DPP10: variants seen among roughly 807,000 people sequenced by gnomAD.
DPP10 encodes the protein dipeptidyl peptidase like 10.
In DPP10, 33 loss-of-function variants were observed where a neutral mutation model predicts 120.9. That is an observed-to-expected ratio of 0.27 (90% CI 0.21 to 0.37). The LOEUF (loss-of-function observed/expected upper bound fraction) is 0.37. Ranked by LOEUF, DPP10 falls within the 10% of genes least tolerant of loss-of-function variation. The pLI is 1.00. For missense variants in DPP10, 816 were observed against 942.8 expected (o/e 0.87, Z 1.76); for synonymous variants, 337 against 326.1 (o/e 1.03, Z -0.36).
At position 115,434,593 on chromosome 2, in the gene DPP10, A is replaced by T. The variant is rs1399602461; in HGVS notation, c.272-64917A>T. 5.5e-5 allele frequency among the ~76,000 whole-genome samples: 8 copies of T among 144,342 alleles called. 1 individual carries two copies. The East Asian group carries it at 1.6e-3, about 29-fold the overall frequency. 94.7% of individuals were successfully genotyped at this position (144,342 alleles called of 152,430 possible). A position where few individuals can be genotyped will look rare whatever the true frequency, so the allele number is the denominator to read the frequency against. ...GGTACATATTTTGGAGGTACGTGTG[A>T]TAGTTTGATGCATGTATATAAGATT... On this transcript the variant is annotated intron_variant, in intron 3 of 25. Transcript: ENST00000410059.
chr2:115,348,228 AC>A (rs1253148767), intron 3 of DPP10, among the ~76,000 whole-genome samples: 1 of 152,152 alleles, frequency 6.6e-6, no homozygotes, highest in Non-Finnish European at 1.5e-5. Context: ...CATGTTGAAT[AC>A]TACAATAATA....
At chr2:115,805,246 TCTC>T (rs1685788583) in intron 19 of DPP10, among the ~76,000 whole-genome samples, 1 of 152,082 alleles carries the variant, frequency 6.6e-6, no homozygotes, top group Admixed American at 6.5e-5. Context: ...TGGGGTATAA[TCTC>T]CTGGTGCACC....
intron 1 of DPP10, among the ~76,000 whole-genome samples, chr2:115,039,364 T>C (rs1380399556): frequency 6.6e-6 from 1 of 152,200 alleles, no homozygotes; most frequent in Admixed American, 6.5e-5. Context: ...TTGTCAAACA[T>C]AGTGAAATCT....
intron 3 of DPP10, among the ~76,000 whole-genome samples, chr2:115,358,843 G>T (rs930849566): frequency 6.6e-6 from 1 of 152,150 alleles, no homozygotes; most frequent in Admixed American, 6.6e-5. Flanking sequence ...CCACGGAGAA[G>T]TGCTAAGCAA....
Position 114,626,533 on chromosome 2 carries a change from T to C in DPP10, c.60+183695T>C, listed in dbSNP as rs556413696. On this transcript the variant is annotated intron_variant, in intron 1 of 25. Coordinates refer to ENST00000410059, the MANE Select transcript of DPP10 (RefSeq NM_020868.6). The stretch of plus-strand genomic sequence containing the variant: ...GAGCTGCCACGTTTCACCAAGGGAA[T>C]TTGGCGGGGTGGTCACTAAATTCAT... 8.8e-4 allele frequency among the ~76,000 whole-genome samples: 134 copies of C among 152,116 alleles called. 1 individual carries two copies. The highest frequency in any genetic ancestry group is 3.1e-3 in the African/African-American group (130 of 41,550).
chr2:114,805,920 A>T (rs1177099145), intron 1 of DPP10, among the ~76,000 whole-genome samples: 1 of 152,202 alleles, frequency 6.6e-6, no homozygotes, highest in African/African-American at 2.4e-5. Context: ...ATGTACCCTC[A>T]TGGAGGGGAA....
intron 1 of DPP10, among the ~76,000 whole-genome samples, chr2:115,121,736 A>G (rs1330018852): frequency 6.6e-6 from 1 of 152,168 alleles, no homozygotes; most frequent in Non-Finnish European, 1.5e-5. Context: ...AGCAGCCAGT[A>G]GTTAAGACTC....
intron 1 of DPP10, among the ~76,000 whole-genome samples, chr2:115,011,078 T>C (rs911997018): frequency 6.6e-6 from 1 of 152,240 alleles, no homozygotes; most frequent in African/African-American, 2.4e-5. Context: ...TTTCAAATAC[T>C]TGGGGATTTT....
chr2:114,941,995 C>T (rs530470137), intron 1 of DPP10, among the ~76,000 whole-genome samples: 9 of 151,948 alleles, frequency 5.9e-5, no homozygotes, highest in East Asian at 1.9e-4. Flanking sequence ...ATATGTTGGC[C>T]GGGTGCGGTG....
chr2:114,880,685 T>C (rs1246797267), intron 1 of DPP10, among the ~76,000 whole-genome samples: 1 of 152,084 alleles, frequency 6.6e-6, no homozygotes, highest in Non-Finnish European at 1.5e-5. Flanking sequence ...AATACAAATA[T>C]ATAAAATGGT....
Position 114,761,054 on chromosome 2 carries a change from C to T in DPP10, c.60+318216C>T, listed in dbSNP as rs558927911. On this transcript the variant is annotated intron_variant, in intron 1 of 25. Transcript: ENST00000410059. ...CACTTCAGTTTTTTGTTGTTTTCTC[C>T]GTGTTGCAGCTAAAACATTGGGGCT... 1.6e-3 allele frequency among the ~76,000 whole-genome samples: 238 copies of T among 152,130 alleles called. 2 individuals are homozygous for T. The highest frequency in any genetic ancestry group is 5.4e-3 in the African/African-American group (225 of 41,528).
chr2:114,718,095 A>G (rs990486329), intron 1 of DPP10, among the ~76,000 whole-genome samples: 1 of 152,058 alleles, frequency 6.6e-6, no homozygotes, highest in African/African-American at 2.4e-5. Context: ...ACAAAAAAAA[A>G]ACAGGGACTC....
chr2:115,281,267 A>C (rs1017635740), intron 1 of DPP10, among the ~76,000 whole-genome samples: 1 of 152,312 alleles, frequency 6.6e-6, no homozygotes, highest in African/African-American at 2.4e-5. Flanking sequence ...TTCAAAAACA[A>C]AAGTAAGCCT....
At chr2:115,622,799 T>G (rs1418588534) in intron 5 of DPP10, among the ~76,000 whole-genome samples, 1 of 151,540 alleles carries the variant, frequency 6.6e-6, no homozygotes, top group Non-Finnish European at 1.5e-5. Flanking sequence ...TAAAATGTTA[T>G]TAGAACACAG....
intron 2 of DPP10, among the ~76,000 whole-genome samples, chr2:115,323,644 A>G (rs2062181347): frequency 2.0e-5 from 3 of 152,200 alleles, no homozygotes; most frequent in Admixed American, 6.6e-5. Context: ...TGGAAAATCA[A>G]AATTACTCCT....
chr2:114,599,731 C>G (rs1558920813), intron 1 of DPP10, among the ~76,000 whole-genome samples: 1 of 151,712 alleles, frequency 6.6e-6, no homozygotes, highest in Non-Finnish European at 1.5e-5. Flanking sequence ...AAGAAATCAT[C>G]ACATGCCCAA....
intron 5 of DPP10, among the ~76,000 whole-genome samples, chr2:115,533,626 C>A (rs1393418101): frequency 6.6e-6 from 1 of 151,958 alleles, no homozygotes; most frequent in African/African-American, 2.4e-5. Context: ...TTTAAAAATT[C>A]TGGGGGAGTA....
chr2:115,770,951 TTTCTTACAAC>T (rs1345803392), intron 13 of DPP10, among the ~76,000 whole-genome samples: 2 of 152,264 alleles, frequency 1.3e-5, no homozygotes, highest in East Asian at 1.9e-4. Flanking sequence ...TAATGAGTGT[TTTCTTACAAC>T]ATTTAATTGT....
chr2:114,451,084 C>T (rs1452006097), intron 1 of DPP10, among the ~76,000 whole-genome samples: 1 of 149,446 alleles, frequency 6.7e-6, no homozygotes, highest in Non-Finnish European at 1.5e-5. Flanking sequence ...AAAGATCGGC[C>T]CTTTATTTGA....
Sources: gnomAD v4.1 joint callset for allele counts (sites outside exome capture counted in the v4.1 genomes callset) on GRCh38, gnomAD v4.1.1 for gene constraint, MANE v1.5 for transcripts, NCBI Gene and HGNC (gene_info 2026-07-23, HGNC 2026-07-21) for gene names.